Variants in ADAM9 observed in about 807,000 individuals in gnomAD.
The protein encoded by ADAM9 is ADAM metallopeptidase domain 9.
Under a neutral mutation model 108.1 loss-of-function variants are expected in ADAM9, and 54 were observed. The observed-to-expected ratio is 0.50, with a 90% CI of 0.40 to 0.63. The LOEUF (loss-of-function observed/expected upper bound fraction) is 0.63. Among genes scored for constraint, ADAM9 ranks in the 20% least tolerant of loss-of-function variants. The pLI, the probability that ADAM9 is intolerant of heterozygous loss-of-function variation, is 0.00. For missense variants in ADAM9, 830 were observed against 997.7 expected, an observed-to-expected ratio of 0.83 and a Z score of 2.26; for synonymous variants, 316 against 336.0, an observed-to-expected ratio of 0.94 and a Z score of 0.65.
chr8:39,055,689 A>T lies in ADAM9; in HGVS notation c.1508A>T (p.Tyr503Phe). 2 of 1,613,802 alleles carry T rather than the reference A, an allele frequency of 1.2e-6. No homozygotes were observed. Among genetic ancestry groups the T allele is most frequent in the African/African-American group, 2.7e-5 (2 of 75,058 alleles). ...CQPDVFIQNGYPCQNNKAYCY... is the reference protein window; with the variant it reads ...CQPDVFIQNGFPCQNNKAYCY... ...CCAGATGTTTTTATTCAGAATGGATATCCTTGCCAGAATAACAAAGCCTAT... is the reference window on the plus strand; with the variant it reads ...CCAGATGTTTTTATTCAGAATGGATTTCCTTGCCAGAATAACAAAGCCTAT... The change falls in exon 14 of 22, where the codon TAT (tyrosine) becomes TTT (phenylalanine). Residue 503 changes from tyrosine (Y) to phenylalanine (F), a missense_variant. By Grantham distance (22) the Tyr-to-Phe change is conservative. This residue lies in a region of ADAM9 where 381 missense variants were observed against 539.8 expected (regional missense o/e 0.71). Coordinates refer to ENST00000487273, the MANE Select transcript of ADAM9 (RefSeq NM_003816.3).
In ADAM9 at chr8:39,025,976, A is replaced by G. The variant is rs572710289; in HGVS notation, c.996+92A>G. On this transcript the variant is annotated intron_variant, in intron 10 of 21. Transcript: ENST00000487273. Reference sequence around the variant, plus strand: ...TATACTTCCTCCCCTGGTCCTTAAAACAATATTTTGGGTGTTATGAGGAAC... The same window carrying G: ...TATACTTCCTCCCCTGGTCCTTAAAGCAATATTTTGGGTGTTATGAGGAAC... 5.3e-6 allele frequency: 7 copies of G among 1,330,446 alleles called. No individual in the cohort carries two copies. In the African/African-American group the frequency reaches 5.8e-5, roughly 11 times the overall value. 82.4% of individuals were successfully genotyped at this position (1,330,446 alleles called of 1,614,324 possible). A position where few individuals can be genotyped will look rare whatever the true frequency, so the allele number is the denominator to read the frequency against.
At chr8:39,002,632 G>C (rs1208643045) in intron 1 of ADAM9, among the ~76,000 whole-genome samples, 1 of 152,016 alleles carries the variant, frequency 6.6e-6, no homozygotes, top group African/African-American at 2.4e-5. Context: ...CAATTAGGTA[G>C]AACTCTTTTA....
At chr8:39,016,063 G>A in intron 4 of ADAM9, 55 bp from the exon 5 acceptor site, 1 of 1,515,958 alleles carries the variant, frequency 6.6e-7, no homozygotes, top group Non-Finnish European at 9.2e-7. Flanking sequence ...CAATTTCTGT[G>A]ATGATTTTCA....
chr8:39,060,998 G>C (rs1268121859), intron 14 of ADAM9, among the ~76,000 whole-genome samples: 1 of 152,232 alleles, frequency 6.6e-6, no homozygotes, highest in African/African-American at 2.4e-5. Flanking sequence ...GCTTCAGTTG[G>C]AGTCACCACT....
At position 39,046,719 on chromosome 8, in the gene ADAM9, G is replaced by C. The variant is rs1837786313; in HGVS notation, c.1302+4602G>C. On this transcript the variant is annotated intron_variant, in intron 12 of 21. Coordinates refer to ENST00000487273, the MANE Select transcript of ADAM9 (RefSeq NM_003816.3). Reference sequence around the variant, plus strand: ...TTTCTGTATCTATTGAGATGATCATGCTATTTTTATCCTTCATTTTGTTAA... The same window carrying C: ...TTTCTGTATCTATTGAGATGATCATCCTATTTTTATCCTTCATTTTGTTAA... Among the ~76,000 whole-genome samples, 3 of 151,916 alleles carry C rather than the reference G, an allele frequency of 2.0e-5. No individual in the cohort carries two copies. In the South Asian group the frequency reaches 6.2e-4, roughly 31 times the overall value.
intron 1 of ADAM9, among the ~76,000 whole-genome samples, chr8:38,999,902 C>CT: frequency 6.6e-6 from 1 of 152,300 alleles, no homozygotes. Context: ...CCTCATATTT[C>CT]TTTTTCCTTT....
At chr8:39,092,572 A>G (rs1319944831) in intron 20 of ADAM9, among the ~76,000 whole-genome samples, 2 of 152,124 alleles carry the variant, frequency 1.3e-5, no homozygotes, top group Admixed American at 6.5e-5. Flanking sequence ...GGCAAAATAT[A>G]TATAAAATTT....
intron 14 of ADAM9, among the ~76,000 whole-genome samples, chr8:39,058,427 G>A (rs1298077479): frequency 6.6e-6 from 1 of 152,144 alleles, no homozygotes; most frequent in Non-Finnish European, 1.5e-5. Context: ...GTTCTTGAAG[G>A]GTCTGGGCCA....
chr8:39,057,073 A>AT (rs1489869320), intron 14 of ADAM9, among the ~76,000 whole-genome samples: 1 of 152,136 alleles, frequency 6.6e-6, no homozygotes, highest in Non-Finnish European at 1.5e-5. Context: ...TTTAGATGCC[A>AT]TTGTGTTACC....
intron 9 of ADAM9, 67 bp from the exon 10 acceptor site, chr8:39,025,736 A>G: frequency 6.8e-7 from 1 of 1,462,650 alleles, no homozygotes; most frequent in Non-Finnish European, 9.6e-7. Flanking sequence ...GAGATTATTC[A>G]TAAAATAAAA....
intron 1 of ADAM9, among the ~76,000 whole-genome samples, chr8:39,007,274 A>C (rs1256892609): frequency 2.0e-5 from 3 of 152,214 alleles, no homozygotes; most frequent in African/African-American, 7.2e-5. Flanking sequence ...CTGGCCCCTC[A>C]GGGATGGCAT....
chr8:39,014,282 T>C, intron 4 of ADAM9: 1 of 567,390 alleles, frequency 1.8e-6, no homozygotes. Context: ...AAAATAAATC[T>C]TCTATTTAAT....
chr8:39,071,294 A>G lies in ADAM9; in HGVS notation c.1592-4A>G, dbSNP rs1227682701. On this transcript the variant is annotated splice_region_variant and splice_polypyrimidine_tract_variant and intron_variant, in intron 14 of 21. Transcript: ENST00000487273. ...TTTCTTTTTTTAAATGTTTAATGTTACAGAAGCCAAGGCTGCCCCCAAAGA... is the reference window on the plus strand; with the variant it reads ...TTTCTTTTTTTAAATGTTTAATGTTGCAGAAGCCAAGGCTGCCCCCAAAGA... 5.6e-6 allele frequency: 9 copies of G among 1,613,606 alleles called. No homozygotes were observed. The highest frequency in any genetic ancestry group is 6.8e-6 in the Non-Finnish European group (8 of 1,179,790).
At position 39,103,608 on chromosome 8, in the gene ADAM9, C is replaced by A. The variant is rs1384584176; in HGVS notation, c.2368C>A (p.Pro790Thr). The A allele has an allele frequency of 1.9e-6, 3 of 1,614,008 alleles. No individual in the cohort carries two copies. Among genetic ancestry groups the A allele is most frequent in the Non-Finnish European group, 2.5e-6 (3 of 1,179,950 alleles). Residue 790 changes from proline (P) to threonine (T), a missense_variant and splice_region_variant, in exon 22 of 22, where the codon CCA becomes ACA. Around this residue, in one of 3 missense-constraint regions of ADAM9, gnomAD observed 238 missense variants for 235.7 expected, o/e 1.01. Transcript: ENST00000487273. ...TAACTATCTCTTTTCCCCTCGCAGG[C>A]CACCTCCACCACAACCGAAAGTATC... ...AKQPQQFPSR[P>T]PPPQPKVSSQ... is the part of the protein sequence containing the mutation.
intron 11 of ADAM9, among the ~76,000 whole-genome samples, chr8:39,040,418 C>T (rs1446169885): frequency 6.6e-6 from 1 of 152,128 alleles, no homozygotes; most frequent in Non-Finnish European, 1.5e-5. Flanking sequence ...TTGATTTGCA[C>T]TTCCTTGATG....
At chr8:39,060,836 A>G (rs994266432) in intron 14 of ADAM9, among the ~76,000 whole-genome samples, 8 of 152,234 alleles carry the variant, frequency 5.3e-5, no homozygotes, top group African/African-American at 1.7e-4. Flanking sequence ...AGGACAGTGA[A>G]GGTGTATTGC....
chr8:39,044,047 A>G (rs894748433), intron 12 of ADAM9, among the ~76,000 whole-genome samples: 1 of 151,690 alleles, frequency 6.6e-6, no homozygotes, highest in African/African-American at 2.4e-5. Flanking sequence ...TTGGCTTTTC[A>G]CTCTGTTGAT....
At chr8:39,005,416 A>G (rs981853782) in intron 1 of ADAM9, among the ~76,000 whole-genome samples, 2 of 152,238 alleles carry the variant, frequency 1.3e-5, no homozygotes, top group African/African-American at 4.8e-5. Context: ...ATAGCAATAT[A>G]TTTCATGACA....
intron 14 of ADAM9, 83 bp from the exon 15 acceptor site, chr8:39,071,215 A>G (rs1838676780): frequency 7.7e-7 from 1 of 1,299,578 alleles, no homozygotes; most frequent in African/African-American, 1.5e-5. Flanking sequence ...CCAGGTGTTT[A>G]GACTGTTGTA....
Sources: allele counts gnomAD v4.1 joint callset (sites outside exome capture counted in the v4.1 genomes callset), GRCh38; gene constraint gnomAD v4.1.1; regional missense constraint gnomAD v4.1.1; transcripts MANE v1.5; gene names NCBI Gene and HGNC (gene_info 2026-07-23, HGNC 2026-07-21).